The following TSPAN8 variants were observed in gnomAD, a reference collection of about 807,000 sequenced individuals.
The protein encoded by TSPAN8 is tetraspanin-8.
Under a neutral mutation model 32.8 loss-of-function variants are expected in TSPAN8, and 21 were observed. The observed-to-expected ratio is 0.64, with a 90% CI of 0.45 to 0.92. The LOEUF (loss-of-function observed/expected upper bound fraction) is 0.92, where lower values mean the gene tolerates loss of function less well. TSPAN8 is among the 40% of genes least tolerant of loss of function. TSPAN8 has a pLI of 0.00. For missense variants in TSPAN8, 269 were observed against 281.9 expected (o/e 0.95, Z 0.33); for synonymous variants, 95 against 94.6 (o/e 1.00, Z -0.03).
chr12:71,156,269 C>CAAAAAAAAAAAAAAAAAAAAAAAAA (rs1287011627), intron 2 of TSPAN8, among the ~76,000 whole-genome samples: 1 of 32,514 alleles, frequency 3.1e-5, no homozygotes, highest in African/African-American at 1.3e-4. Flanking sequence ...AAAAAAAAAA[C>CAAAAAAAAAAAAAAAAAAAAAAAAA]AAACAAAAAA....
chr12:71,157,681 C>A lies in TSPAN8; in HGVS notation c.-3G>T, dbSNP rs17109358. On this transcript the variant is annotated 5_prime_UTR_variant, in exon 2 of 9. Coordinates refer to ENST00000247829, the MANE Select transcript of TSPAN8 (RefSeq NM_004616.3). ...ATACAGGCACTCACACCTGCCATTT[C>A]GGAAAAGGATTAGGAATCCAGATGC... 2 of 1,612,636 alleles carry A rather than the reference C, an allele frequency of 1.2e-6. No individual in the cohort carries two copies. Among genetic ancestry groups the A allele is most frequent in the Non-Finnish European group, 1.7e-6 (2 of 1,178,894 alleles).
In TSPAN8 at chr12:71,132,810, A is replaced by T; in HGVS notation, c.459T>A (p.Gly153=). ...IVFQEEFKCC[G]LVNGAADWGN... The stretch of plus-strand genomic sequence containing the variant: ...CCCAATCAGCAGCTCCATTGACCAA[A>T]CCGCAGCATTTAAACTGTTTGATAA... The change falls in exon 7 of 9, where the codon GGT becomes GGA. Residue 153 remains glycine, a synonymous_variant. Coordinates refer to ENST00000247829, the MANE Select transcript of TSPAN8 (RefSeq NM_004616.3). 6.2e-7 allele frequency: 1 copy of T among 1,613,958 alleles called. No individual in the cohort carries two copies. Among genetic ancestry groups the T allele is most frequent in the Non-Finnish European group, 8.5e-7 (1 of 1,179,960 alleles).
At chr12:71,139,685 C>CACTGGG in intron 4 of TSPAN8, 26 bp downstream of exon 4, 1 of 1,610,468 alleles carries the variant, frequency 6.2e-7, no homozygotes, top group South Asian at 1.1e-5. Context: ...GAAGGTTGGA[C>CACTGGG]ACTGGGATTT....
Position 71,132,726 on chromosome 12 carries a change from G to A in TSPAN8, c.543C>T (p.Cys181=). Residue 181 remains cysteine, a synonymous_variant, in exon 7 of 9, where the codon TGC becomes TGT. Coordinates refer to ENST00000247829, the MANE Select transcript of TSPAN8 (RefSeq NM_004616.3). ...LCACLDKQRP[C]QSYNGKQVYK... is the part of the protein sequence containing the mutation. ...AAACTTGTTTTCCATTATAGCTTTG[G>A]CATGGTCTCTGCTTATCTAGACAGG... The A allele has an allele frequency of 6.2e-7, 1 of 1,613,798 alleles. No individual in the cohort carries two copies. The highest frequency in any genetic ancestry group is 1.3e-5 in the African/African-American group (1 of 74,992).
chr12:71,135,457 AAGC>A lies in TSPAN8; in HGVS notation c.444+2493_444+2495del, dbSNP rs1251031601. On this transcript the variant is annotated intron_variant, in intron 6 of 8. Coordinates refer to ENST00000247829, the MANE Select transcript of TSPAN8 (RefSeq NM_004616.3). Reference sequence around the variant, plus strand: ...GAGGAAGAAAAAGAATCAGCAGAAGAAGCAGGAGAAAAAAGAAGAAGGGGAGGC... The same window carrying A: ...GAGGAAGAAAAAGAATCAGCAGAAGAAGGAGAAAAAAGAAGAAGGGGAGGC... 3.9e-4 allele frequency among the ~76,000 whole-genome samples: 58 copies of A among 148,208 alleles called. 1 individual carries two copies. The highest frequency in any genetic ancestry group is 1.4e-3 in the African/African-American group (55 of 40,358).
chr12:71,129,213 G>A lies in TSPAN8; in HGVS notation c.660+118C>T, dbSNP rs1424229937. ...TCCAGTGCTTTTCTAAAGCATCTGC[G>A]TTTTTTATGGTTGTTGTGGTTTTTT... On this transcript the variant is annotated intron_variant, in intron 8 of 8. Coordinates refer to ENST00000247829, the MANE Select transcript of TSPAN8 (RefSeq NM_004616.3). 37 of 1,139,820 alleles carry A rather than the reference G, an allele frequency of 3.2e-5. No homozygotes were observed. In the East Asian group the frequency reaches 7.0e-4, roughly 22 times the overall value. The allele number at this position is 1,139,820 out of a possible 1,614,324, so 70.6% of individuals were successfully genotyped here. A position where few individuals can be genotyped will look rare whatever the true frequency, so the allele number is the denominator to read the frequency against.
chr12:71,138,682 T>C (rs1871793681), intron 4 of TSPAN8, among the ~76,000 whole-genome samples: 4 of 152,176 alleles, frequency 2.6e-5, no homozygotes. Context: ...TGCTGAATCA[T>C]AAGTTTGAAG....
chr12:71,136,972 G>A (rs376531121), intron 6 of TSPAN8, among the ~76,000 whole-genome samples: 2 of 152,188 alleles, frequency 1.3e-5, no homozygotes, highest in African/African-American at 4.8e-5. Flanking sequence ...GGTGGAGGCT[G>A]AGAAAGAAAA....
At chr12:71,157,501 G>GA (rs1014398467) in intron 2 of TSPAN8, 118 bp downstream of exon 2, 1 of 707,112 alleles carries the variant, frequency 1.4e-6, no homozygotes, top group African/African-American at 1.8e-5. Context: ...CAAGTACATG[G>GA]AAAATACATT....
chr12:71,137,685 A>G (rs942713748), intron 6 of TSPAN8, among the ~76,000 whole-genome samples: 3 of 152,184 alleles, frequency 2.0e-5, no homozygotes, highest in African/African-American at 7.2e-5. Flanking sequence ...AAAATATTAA[A>G]ACTATTATTG....
chr12:71,156,130 G>C (rs2137064056), intron 2 of TSPAN8, among the ~76,000 whole-genome samples: 1 of 151,870 alleles, frequency 6.6e-6, no homozygotes, highest in East Asian at 1.9e-4. Flanking sequence ...AATAATATGG[G>C]GTGGGGGAAG....
At chr12:71,156,275 A>AAAAAAAAAAAAAAAAAAC in intron 2 of TSPAN8, among the ~76,000 whole-genome samples, 1 of 141,516 alleles carries the variant, frequency 7.1e-6, no homozygotes, top group African/African-American at 2.6e-5. Context: ...AAAACAAACA[A>AAAAAAAAAAAAAAAAAAC]AAAAAAAACT....
chr12:71,143,286 C>A (rs1264034516), intron 3 of TSPAN8, among the ~76,000 whole-genome samples: 1 of 152,096 alleles, frequency 6.6e-6, no homozygotes, highest in Non-Finnish European at 1.5e-5. Flanking sequence ...GGAAATGGTG[C>A]CAGGGTGGTA....
chr12:71,136,923 T>C (rs1260002800), intron 6 of TSPAN8, among the ~76,000 whole-genome samples: 1 of 152,146 alleles, frequency 6.6e-6, no homozygotes, highest in Non-Finnish European at 1.5e-5. Context: ...ATAGTAGCAA[T>C]TAATGTTAGC....
chr12:71,142,854 A>AC (rs1348110474), intron 3 of TSPAN8, among the ~76,000 whole-genome samples: 1 of 151,754 alleles, frequency 6.6e-6, no homozygotes, highest in Non-Finnish European at 1.5e-5. Flanking sequence ...AAACAAAAAA[A>AC]AAAAAAACAG....
In TSPAN8 at chr12:71,138,031, A is replaced by G. The variant is rs369598060; in HGVS notation, c.366T>C (p.Tyr122=). ...KSDRIVNETL[Y]ENTKLLSATG... ...TGGCGCTCAAAAGCTTTGTGTTTTC[A>G]TAGAGAGTTTCATTCACAATGCGAT... The change falls in exon 6 of 9, where the codon TAT becomes TAC. Residue 122 remains tyrosine (Y), a synonymous_variant. Coordinates refer to ENST00000247829, the MANE Select transcript of TSPAN8 (RefSeq NM_004616.3). 1.2e-5 allele frequency: 19 copies of G among 1,613,934 alleles called. No homozygotes were observed. The highest frequency in any genetic ancestry group is 1.5e-5 in the Non-Finnish European group (18 of 1,179,990).
chr12:71,147,892 T>C (rs989987467), intron 2 of TSPAN8, among the ~76,000 whole-genome samples: 1 of 152,192 alleles, frequency 6.6e-6, no homozygotes, highest in African/African-American at 2.4e-5. Flanking sequence ...CTTCCTGAGT[T>C]ATCAAAAACT....
chr12:71,129,263 C>A (rs1705263), intron 8 of TSPAN8, 68 bp downstream of exon 8: 621,835 of 1,353,184 alleles, frequency 0.46, 143,387 homozygotes, highest in Admixed American at 0.64. Context: ...TGTTCACCAT[C>A]AATATTTCTT....
rs147637545 is a variant in TSPAN8, at chr12:71,153,837, C to T, written c.60+3782G>A. ...TTATCACTGGTTTTTATAATTGTTG[C>T]TCTCACTGAAAGACTCCATTTCAAA... On this transcript the variant is annotated intron_variant, in intron 2 of 8. Transcript: ENST00000247829. Among the ~76,000 whole-genome samples the T allele has an allele frequency of 9.6e-3, 1,454 of 152,196 alleles. 30 individuals carry two copies. The highest frequency in any genetic ancestry group is 0.032 in the African/African-American group (1,338 of 41,516).
Sources: allele counts gnomAD v4.1 joint callset (sites outside exome capture counted in the v4.1 genomes callset), GRCh38; gene constraint gnomAD v4.1.1; transcripts MANE v1.5; gene names NCBI Gene and HGNC (gene_info 2026-07-23, HGNC 2026-07-21).